GPRASP1: variants seen among roughly 807,000 people sequenced by gnomAD.
GPRASP1 encodes G protein-coupled receptor-associated sorting protein 1.
A neutral mutation model predicts 68.4 loss-of-function variants in GPRASP1; 28 were observed. The ratio of observed to expected loss-of-function variants is 0.41; its 90% CI spans 0.30 to 0.56. The LOEUF (loss-of-function observed/expected upper bound fraction) is 0.56. Among genes scored for constraint, GPRASP1 ranks in the 20% least tolerant of loss-of-function variants. The pLI is 0.29. For synonymous variants in GPRASP1, 304 were observed against 358.2 expected (o/e 0.85, Z 1.71); for missense variants, 913 against 1,031.5 (o/e 0.89, Z 1.57).
chrX:102,658,262 G>T lies in GPRASP1; in HGVS notation c.*161G>T. The T allele has an allele frequency of 2.4e-6, 1 of 410,087 alleles. No homozygotes were observed. The highest frequency in any genetic ancestry group is 4.3e-6 in the Non-Finnish European group (1 of 230,982). 33.8% of individuals were successfully genotyped at this position (410,087 alleles called of 1,213,427 possible). A position where few individuals can be genotyped will look rare whatever the true frequency, so the allele number is the denominator to read the frequency against. The stretch of plus-strand genomic sequence containing the variant: ...CTGTAAGCTGGAGCATTTTTCTGAT[G>T]CCAGCTGAATATTAGAGCTGAAAAC... On this transcript the variant is annotated 3_prime_UTR_variant, in exon 6 of 6. Transcript: ENST00000537097.
rs2081399949 is a variant in GPRASP1, at chrX:102,655,451, A to G, written c.1538A>G (p.Glu513Gly). Residue 513 changes from glutamate (E) to glycine (G), a missense_variant, in exon 6 of 6, where the codon GAG becomes GGG. Physicochemically the swap from Glu to Gly is moderately conservative, Grantham distance 98. Transcript: ENST00000537097. ...WAGEEVNQEA[E>G]EETIFGSWFW... ...GGTGAAGAGGTCAACCAAGAGGCTG[A>G]GGAAGAGACCATTTTTGGGTCGTGG... is the stretch of plus-strand genomic sequence containing the variant. 2 of 1,211,353 alleles carry G rather than the reference A, an allele frequency of 1.7e-6. No individual in the cohort carries two copies. Among genetic ancestry groups the G allele is most frequent in the South Asian group, 3.5e-5 (2 of 56,959 alleles).
At chrX:102,651,621 G>C (rs938871621) in intron 1 of GPRASP1, 26 bp downstream of exon 1, 1 of 111,927 alleles carries the variant, frequency 8.9e-6, no homozygotes, top group Non-Finnish European at 1.9e-5. Context: ...TGAGGTGGGG[G>C]GCCGTGGTGT....
Position 102,657,016 on chromosome X carries a change from G to A in GPRASP1, c.3103G>A (p.Glu1035Lys), listed in dbSNP as rs1398302111. The A allele has an allele frequency of 8.3e-7, 1 of 1,210,784 alleles. No homozygotes were observed. Among genetic ancestry groups the A allele is most frequent in the Non-Finnish European group, 1.1e-6 (1 of 894,525 alleles). ...ICRSTCSVEQ[E>K]PDPSRRPQSW... is the part of the protein sequence containing the mutation. Reference sequence around the variant, plus strand: ...CAGGTCCACGTGTTCAGTTGAACAGGAGCCTGATCCTTCACGCAGGCCTCA... The same window carrying A: ...CAGGTCCACGTGTTCAGTTGAACAGAAGCCTGATCCTTCACGCAGGCCTCA... Residue 1035 changes from glutamate to lysine, a missense_variant, in exon 6 of 6, where the codon GAG becomes AAG. Physicochemically the swap from Glu to Lys is moderately conservative, Grantham distance 56 (BLOSUM62 1). Transcript: ENST00000537097.
chrX:102,653,316 T>C lies in GPRASP1; in HGVS notation c.-335+18T>C. 1 of 113,373 alleles carries C rather than the reference T, an allele frequency of 8.8e-6. No homozygotes were observed. The highest frequency in any genetic ancestry group is 1.9e-5 in the Non-Finnish European group (1 of 53,534). The allele number at this position is 113,373 out of a possible 1,213,427, so 9.3% of individuals were successfully genotyped here. On this transcript the variant is annotated intron_variant, in intron 5 of 5. Transcript: ENST00000537097. Reference sequence around the variant, plus strand: ...AAGTGAAGGTTGGTATGAGAGTGGGTATACTTTTGGGCGGGGTAGTGGAGA... The same window carrying C: ...AAGTGAAGGTTGGTATGAGAGTGGGCATACTTTTGGGCGGGGTAGTGGAGA...
chrX:102,655,135 T>C lies in GPRASP1; in HGVS notation c.1222T>C (p.Trp408Arg), dbSNP rs746714049. The C allele has an allele frequency of 2.1e-5, 26 of 1,211,988 alleles. No individual in the cohort carries two copies. The highest frequency in any genetic ancestry group is 2.7e-5 in the Non-Finnish European group (24 of 895,528). The change falls in exon 6 of 6, where the codon TGG (tryptophan) becomes CGG (arginine). Residue 408 changes from tryptophan to arginine, a missense_variant. By Grantham distance (101) the Trp-to-Arg change is moderately radical. Coordinates refer to ENST00000537097, the MANE Select transcript of GPRASP1 (RefSeq NM_001184727.2). ...AGAGGAGGAAGCCCTCATTGGGACC[T>C]GGTTCTGGGCTACAGACGAGTCCAG... ...RSEEEALIGT[W>R]FWATDESSMA...
Position 102,654,279 on chromosome X carries a change from C to T in GPRASP1, c.366C>T (p.Val122=). Residue 122 remains valine, a synonymous_variant, in exon 6 of 6, where the codon GTC becomes GTT. Transcript: ENST00000537097. The part of the protein sequence containing the change: ...SQTNIIASPL[V]STDSVLVAKT... ...CCAATATCATAGCCTCTCCACTTGT[C>T]AGTACTGATTCTGTCTTGGTTGCTA... 1 of 1,210,090 alleles carries T rather than the reference C, an allele frequency of 8.3e-7. No homozygotes were observed. The highest frequency in any genetic ancestry group is 1.7e-5 in the African/African-American group (1 of 57,838).
rs2081398197 is a variant in GPRASP1, at chrX:102,655,299, G to A, written c.1386G>A (p.Glu462=). 1.1e-5 allele frequency: 13 copies of A among 1,211,968 alleles called. No homozygotes were observed. Among genetic ancestry groups the A allele is most frequent in the Non-Finnish European group, 1.2e-5 (11 of 895,484 alleles). ...SSKSRPRTDG[E]RIGDSLFGAR... ...AATCCAGACCAAGGACTGATGGGGA[G>A]CGTATTGGTGATTCCTTATTTGGGG... Residue 462 remains glutamate (E), a synonymous_variant, in exon 6 of 6, where the codon GAG becomes GAA. Transcript: ENST00000537097.
rs747514155 is a variant in GPRASP1 at position 102,654,413 on chromosome X, A to C, written c.500A>C (p.Lys167Thr). 6 of 1,211,688 alleles carry C rather than the reference A, an allele frequency of 5.0e-6. No homozygotes were observed. Among genetic ancestry groups the C allele is most frequent in the Non-Finnish European group, 5.6e-6 (5 of 895,219 alleles). ...QAGFQPSFRS[K>T]EETNMGSWCC... ...GGATTCCAGCCTTCTTTTAGGTCAA[A>C]GGAGGAGACCAATATGGGGTCCTGG... The change falls in exon 6 of 6, where the codon AAG becomes ACG. Residue 167 changes from lysine (K) to threonine (T), a missense_variant. Physicochemically the swap from Lys to Thr is moderately conservative, Grantham distance 78. Coordinates refer to ENST00000537097, the MANE Select transcript of GPRASP1 (RefSeq NM_001184727.2).
In GPRASP1 at chrX:102,657,294, G is replaced by A. The variant is rs1208135235; in HGVS notation, c.3381G>A (p.Glu1127=). 1 of 1,210,517 alleles carries A rather than the reference G, an allele frequency of 8.3e-7. No individual in the cohort carries two copies. The highest frequency in any genetic ancestry group is 1.7e-5 in the African/African-American group (1 of 57,692). Residue 1127 remains glutamate (E), a synonymous_variant, in exon 6 of 6, where the codon GAG becomes GAA. Transcript: ENST00000537097. ...PSYRSVQEIR[E]HLRAKESTEP... Reference sequence around the variant, plus strand: ...ACAGGTCAGTCCAGGAAATTCGAGAGCATCTTAGGGCCAAGGAGAGTACAG... The same window carrying A: ...ACAGGTCAGTCCAGGAAATTCGAGAACATCTTAGGGCCAAGGAGAGTACAG...
In GPRASP1 at chrX:102,657,050, A is replaced by G. The variant is rs369330843; in HGVS notation, c.3137A>G (p.Glu1046Gly). The G allele has an allele frequency of 1.6e-5, 19 of 1,209,022 alleles. No individual in the cohort carries two copies. Among genetic ancestry groups the G allele is most frequent in the Non-Finnish European group, 2.1e-5 (19 of 894,483 alleles). ...CCTTCACGCAGGCCTCAGAGTTGGG[A>G]GGAGGTCACTGTTCAGTTCAAGCCT... is the stretch of plus-strand genomic sequence containing the variant. ...PDPSRRPQSW[E>G]EVTVQFKPGP... Residue 1046 changes from glutamate to glycine, a missense_variant, in exon 6 of 6, where the codon GAG becomes GGG. Coordinates refer to ENST00000537097, the MANE Select transcript of GPRASP1 (RefSeq NM_001184727.2).
At position 102,655,703 on chromosome X, in the gene GPRASP1, A is replaced by C. The variant is rs1280708463; in HGVS notation, c.1790A>C (p.Glu597Ala). 2.5e-6 allele frequency: 3 copies of C among 1,209,151 alleles called. No individual in the cohort carries two copies. Among genetic ancestry groups the C allele is most frequent in the Non-Finnish European group, 3.4e-6 (3 of 894,751 alleles). Residue 597 changes from glutamate (E) to alanine (A), a missense_variant, in exon 6 of 6, where the codon GAA becomes GCA. Glu to Ala is a moderately radical substitution (Grantham distance 107). Transcript: ENST00000537097. ...CAGACCTATATGGATTGTAGGGCTGAAACTAGCTGTGACACCATGCAAGGG... is the reference window on the plus strand; with the variant it reads ...CAGACCTATATGGATTGTAGGGCTGCAACTAGCTGTGACACCATGCAAGGG... ...ENQTYMDCRA[E>A]TSCDTMQGAE... is the part of the protein sequence containing the mutation.
rs2081361139 is a variant in GPRASP1 at position 102,652,213 on chromosome X, G to A, written c.-533G>A. The A allele has an allele frequency of 8.9e-6, 1 of 112,919 alleles. No individual in the cohort carries two copies. The highest frequency in any genetic ancestry group is 3.2e-5 in the African/African-American group (1 of 31,049). 9.3% of individuals were successfully genotyped at this position (112,919 alleles called of 1,213,427 possible). On this transcript the variant is annotated 5_prime_UTR_variant, in exon 3 of 6. Coordinates refer to ENST00000537097, the MANE Select transcript of GPRASP1 (RefSeq NM_001184727.2). ...TGACAGGACACAGTGAGCATCTGTA[G>A]AGGAGAGGCTTGAAATAAAGGAGGA...
rs2081398438 is a variant in GPRASP1, at chrX:102,655,313, C to T, written c.1400C>T (p.Ser467Phe). 1.7e-6 allele frequency: 2 copies of T among 1,211,509 alleles called. No individual in the cohort carries two copies. The highest frequency in any genetic ancestry group is 3.5e-5 in the African/African-American group (2 of 57,727). ...PRTDGERIGD[S>F]LFGAREKTSM... ...ACTGATGGGGAGCGTATTGGTGATT[C>T]CTTATTTGGGGCTAGGGAAAAGACC... The change falls in exon 6 of 6, where the codon TCC becomes TTC. Residue 467 changes from serine to phenylalanine, a missense_variant. Coordinates refer to ENST00000537097, the MANE Select transcript of GPRASP1 (RefSeq NM_001184727.2).
chrX:102,655,245 G>A lies in GPRASP1; in HGVS notation c.1332G>A (p.Glu444=). ...IIGSWFWTEE[E]ASMGTGASSK... Reference sequence around the variant, plus strand: ...GGAGTTGGTTCTGGACTGAAGAAGAGGCCAGTATGGGGACTGGGGCTAGCA... The same window carrying A: ...GGAGTTGGTTCTGGACTGAAGAAGAAGCCAGTATGGGGACTGGGGCTAGCA... The change falls in exon 6 of 6, where the codon GAG becomes GAA. Residue 444 remains glutamate (E), a synonymous_variant. Transcript: ENST00000537097. The A allele has an allele frequency of 3.3e-6, 4 of 1,211,594 alleles. No homozygotes were observed. Among genetic ancestry groups the A allele is most frequent in the Non-Finnish European group, 4.5e-6 (4 of 895,123 alleles).
At position 102,656,593 on chromosome X, in the gene GPRASP1, G is replaced by A. The variant is rs200079236; in HGVS notation, c.2680G>A (p.Val894Ile). 346 of 1,208,499 alleles carry A rather than the reference G, an allele frequency of 2.9e-4. 1 individual carries two copies. Among genetic ancestry groups the A allele is most frequent in the East Asian group, 2.7e-4 (9 of 33,689 alleles). The change falls in exon 6 of 6, where the codon GTA (valine) becomes ATA (isoleucine). Residue 894 changes from valine (V) to isoleucine (I), a missense_variant. Transcript: ENST00000537097. The part of the protein sequence containing the change: ...EASIQAGSQA[V>I]EEMESETEEE... ...CAGTATACAGGCTGGATCTCAGGCA[G>A]TAGAGGAAATGGAGTCAGAGACTGA...
Position 102,654,249 on chromosome X carries a change from C to T in GPRASP1, c.336C>T (p.Ser112=). The change falls in exon 6 of 6, where the codon TCC becomes TCT. Residue 112 remains serine (S), a synonymous_variant. Coordinates refer to ENST00000537097, the MANE Select transcript of GPRASP1 (RefSeq NM_001184727.2). ...GATTGTCTAAGACAGAGAGAAACTCCCAGACCAATATCATAGCCTCTCCAC... is the reference window on the plus strand; with the variant it reads ...GATTGTCTAAGACAGAGAGAAACTCTCAGACCAATATCATAGCCTCTCCAC... ...AERLSKTERN[S]QTNIIASPLV... 8.3e-7 allele frequency: 1 copy of T among 1,210,893 alleles called. No individual in the cohort carries two copies. The highest frequency in any genetic ancestry group is 1.1e-6 in the Non-Finnish European group (1 of 894,465).
Position 102,653,701 on chromosome X carries a change from CTATCTG to C in GPRASP1, c.-209_-204del, listed in dbSNP as rs2081378136. The C allele has an allele frequency of 2.4e-6, 1 of 411,457 alleles. No homozygotes were observed. Among genetic ancestry groups the C allele is most frequent in the African/African-American group, 2.5e-5 (1 of 40,113 alleles). 33.9% of individuals were successfully genotyped at this position (411,457 alleles called of 1,213,427 possible). Reference sequence around the variant, plus strand: ...AGCTTGGTTGTGCCTGTTCTACACTCTATCTGTATTATTGAATTACTGACTGAGACT... The same window carrying C: ...AGCTTGGTTGTGCCTGTTCTACACTCTATTATTGAATTACTGACTGAGACT... On this transcript the variant is annotated 5_prime_UTR_variant, in exon 6 of 6. Transcript: ENST00000537097.
Position 102,655,032 on chromosome X carries a change from A to G in GPRASP1, c.1119A>G (p.Lys373=). Residue 373 remains lysine (K), a synonymous_variant, in exon 6 of 6, where the codon AAA becomes AAG. Coordinates refer to ENST00000537097, the MANE Select transcript of GPRASP1 (RefSeq NM_001184727.2). ...ANTFSRPMIK[K]EARARAMTKE... is the part of the protein sequence containing the mutation. ...CCTTTTCAAGGCCCATGATCAAGAA[A>G]GAGGCCAGGGCCAGAGCAATGACAA... 2.5e-6 allele frequency: 3 copies of G among 1,211,989 alleles called. No individual in the cohort carries two copies. Among genetic ancestry groups the G allele is most frequent in the Non-Finnish European group, 3.4e-6 (3 of 895,468 alleles).
In GPRASP1 at chrX:102,657,306, C is replaced by A; in HGVS notation, c.3393C>A (p.Ala1131=). The part of the protein sequence containing the change: ...SVQEIREHLR[A]KESTEPESSS... ...AGGAAATTCGAGAGCATCTTAGGGC[C>A]AAGGAGAGTACAGAGCCTGAGAGTT... The change falls in exon 6 of 6, where the codon GCC becomes GCA. Residue 1131 remains alanine, a synonymous_variant. Transcript: ENST00000537097. 8.3e-7 allele frequency: 1 copy of A among 1,210,654 alleles called. No homozygotes were observed. The highest frequency in any genetic ancestry group is 1.1e-6 in the Non-Finnish European group (1 of 894,718).
Sources: allele counts gnomAD v4.1 joint callset, GRCh38; gene constraint gnomAD v4.1.1; transcripts MANE v1.5; gene names NCBI Gene and HGNC (gene_info 2026-07-23, HGNC 2026-07-21).